The following CHL1 variants were observed in gnomAD, a reference collection of about 807,000 sequenced individuals.
CHL1 encodes cell adhesion molecule L1 like, also known as neural cell adhesion molecule L1-like protein.
Under a neutral mutation model 141.9 loss-of-function variants are expected in CHL1, and 96 were observed. The observed-to-expected ratio is 0.68, with a 90% confidence interval of 0.57 to 0.80. The LOEUF (loss-of-function observed/expected upper bound fraction) is 0.80. Ranked by LOEUF, CHL1 falls within the 30% of genes least tolerant of loss-of-function variation. The pLI is 0.00. For missense variants in CHL1, 1,820 were observed against 1,457.2 expected, an observed-to-expected ratio of 1.25 and a Z score of -4.05; for synonymous variants, 613 against 502.2, an observed-to-expected ratio of 1.22 and a Z score of -2.95.
At chr3:226,386 A>G (rs1418630708) in intron 1 of CHL1, among the ~76,000 whole-genome samples, 1 of 145,128 alleles carries the variant, frequency 6.9e-6, no homozygotes, top group Admixed American at 7.0e-5. Flanking sequence ...ATATATATAT[A>G]CTTATATATT....
At chr3:322,544 A>G (rs1700652996) in intron 3 of CHL1, among the ~76,000 whole-genome samples, 1 of 150,056 alleles carries the variant, frequency 6.7e-6, no homozygotes, top group Non-Finnish European at 1.5e-5. Flanking sequence ...GTGGTGTCTC[A>G]TGCCTGTAAT....
chr3:360,249 TC>T (rs1704105366), intron 11 of CHL1, 34 bp from the exon 12 acceptor site: 1 of 1,610,312 alleles, frequency 6.2e-7, no homozygotes, highest in African/African-American at 1.3e-5. Flanking sequence ...TATGTCCTGT[TC>T]CTTATCAAAC....
At chr3:403,286 C>G (rs772455024) in intron 27 of CHL1, among the ~76,000 whole-genome samples, 8 of 152,140 alleles carry the variant, frequency 5.3e-5, no homozygotes, top group Non-Finnish European at 1.0e-4. Flanking sequence ...AGCCACAGTC[C>G]TTTTGTAACC....
At position 236,547 on chromosome 3, in the gene CHL1, G is replaced by A. The variant is rs1328150971; in HGVS notation, c.-174-8066G>A. ...AAAATGTGTCTCTCCGTTTTTGGAA[G>A]CTATTTATTTCTTTAACATATATGA... On this transcript the variant is annotated intron_variant, in intron 1 of 27. Coordinates refer to ENST00000256509, the MANE Select transcript of CHL1 (RefSeq NM_006614.4). Among the ~76,000 whole-genome samples the A allele has an allele frequency of 2.0e-5, 3 of 152,238 alleles. No individual in the cohort carries two copies. In the East Asian group the frequency reaches 5.8e-4, roughly 29 times the overall value.
intron 1 of CHL1, among the ~76,000 whole-genome samples, chr3:230,692 A>G (rs998500105): frequency 6.6e-6 from 1 of 152,226 alleles, no homozygotes; most frequent in African/African-American, 2.4e-5. Flanking sequence ...GAACATGAAT[A>G]GTTGTTTCAA....
intron 14 of CHL1, among the ~76,000 whole-genome samples, chr3:365,245 G>A (rs1704730217): frequency 6.6e-6 from 1 of 152,190 alleles, no homozygotes; most frequent in South Asian, 2.1e-4. Context: ...TGCACGTTTT[G>A]AAACAATCAT....
At chr3:320,445 A>T (rs1161727318) in intron 3 of CHL1, among the ~76,000 whole-genome samples, 1 of 152,126 alleles carries the variant, frequency 6.6e-6, no homozygotes, top group South Asian at 2.1e-4. Context: ...TATATATTCT[A>T]ACATATATTG....
At chr3:232,041 A>T (rs929826959) in intron 1 of CHL1, among the ~76,000 whole-genome samples, 13 of 152,178 alleles carry the variant, frequency 8.5e-5, no homozygotes, top group African/African-American at 2.9e-4. Context: ...TTCTGTACTT[A>T]TCAGTATTTG....
At chr3:382,440 C>A (rs146503067) in intron 17 of CHL1, 34 bp from the exon 18 acceptor site, 1 of 1,562,614 alleles carries the variant, frequency 6.4e-7, no homozygotes, top group Admixed American at 1.7e-5. Context: ...ATACTCCATA[C>A]ATTCTAATAT....
chr3:199,539 C>T (rs775138861), intron 1 of CHL1, among the ~76,000 whole-genome samples: 9 of 152,186 alleles, frequency 5.9e-5, no homozygotes, highest in Non-Finnish European at 1.2e-4. Flanking sequence ...TGATTTTGCA[C>T]ATACTATACT....
At chr3:375,305 T>C (rs3773382) in intron 15 of CHL1, among the ~76,000 whole-genome samples, 57,787 of 151,722 alleles carry the variant, frequency 0.38, 11,587 homozygotes, top group African/African-American at 0.52. Context: ...AGGGACCTAG[T>C]CCTGTGGGAG....
intron 13 of CHL1, 51 bp from the exon 14 acceptor site, chr3:363,166 G>C: frequency 6.6e-7 from 1 of 1,509,294 alleles, no homozygotes; most frequent in East Asian, 2.3e-5. Flanking sequence ...ATTAAAAAGC[G>C]TATACAATTT....
chr3:319,942 G>T, intron 3 of CHL1, 75 bp downstream of exon 3: 2 of 773,226 alleles, frequency 2.6e-6, no homozygotes, highest in Non-Finnish European at 4.3e-6. Context: ...AATACTTATG[G>T]ATTGAGGATG....
intron 2 of CHL1, among the ~76,000 whole-genome samples, chr3:291,642 T>C (rs1205540059): frequency 6.6e-6 from 1 of 152,172 alleles, no homozygotes; most frequent in Non-Finnish European, 1.5e-5. Flanking sequence ...TATTTCTCAT[T>C]AAATACATAC....
chr3:392,231 T>C (rs528337239), intron 23 of CHL1, among the ~76,000 whole-genome samples: 1 of 152,216 alleles, frequency 6.6e-6, no homozygotes, highest in South Asian at 2.1e-4. Context: ...GTAGGAAACA[T>C]GTGAAAGAGT....
In CHL1 at chr3:389,296, A is replaced by C. The variant is rs1008748748; in HGVS notation, c.2292A>C (p.Arg764Ser). 8 of 1,613,760 alleles carry C rather than the reference A, an allele frequency of 5.0e-6. No individual in the cohort carries two copies. In the African/African-American group the frequency reaches 1.1e-4, roughly 22 times the overall value. ...AGAATGGACCAGGCCTAGAGTACAGAGTGACCTGGAAGCCACAGGGAGCCC... is the reference window on the plus strand; with the variant it reads ...AGAATGGACCAGGCCTAGAGTACAGCGTGACCTGGAAGCCACAGGGAGCCC... ...MEQNGPGLEY[R>S]VTWKPQGAPV... Residue 764 changes from arginine (R) to serine (S), a missense_variant, in exon 20 of 28, where the codon AGA (arginine) becomes AGC (serine). Coordinates refer to ENST00000256509, the MANE Select transcript of CHL1 (RefSeq NM_006614.4).
At chr3:372,086 A>G (rs4002783) in intron 15 of CHL1, among the ~76,000 whole-genome samples, 145,848 of 152,138 alleles carry the variant, frequency 0.96, 70,196 homozygotes, top group East Asian at 1. Flanking sequence ...TATGTGTCTT[A>G]GGGTTAATCT....
chr3:405,474 T>TTTTG (rs754891444), intron 27 of CHL1, 21 bp from the exon 28 acceptor site: 7 of 1,508,838 alleles, frequency 4.6e-6, no homozygotes, highest in South Asian at 1.1e-5. Flanking sequence ...GTTGAGCTAT[T>TTTTG]TTTGTTTGTT....
intron 8 of CHL1, among the ~76,000 whole-genome samples, 199 bp from the exon 9 acceptor site, chr3:344,388 CAT>C (rs1337264069): frequency 6.6e-6 from 1 of 151,772 alleles, no homozygotes; most frequent in East Asian, 1.9e-4. Context: ...TCAGTAAAAA[CAT>C]ATGAGGGACA....
Sources: gnomAD v4.1 joint callset for allele counts (sites outside exome capture counted in the v4.1 genomes callset) on GRCh38, gnomAD v4.1.1 for gene constraint, MANE v1.5 for transcripts, NCBI Gene and HGNC (gene_info 2026-07-23, HGNC 2026-07-21) for gene names.